Variants in NIPA1 observed in about 807,000 individuals in gnomAD.
NIPA1 encodes the protein magnesium transporter NIPA1.
In NIPA1, 13 loss-of-function variants were observed where a neutral mutation model predicts 23.9. The observed-to-expected ratio is 0.54, with a 90% confidence interval of 0.35 to 0.87. The LOEUF (loss-of-function observed/expected upper bound fraction) is 0.87. Among genes scored for constraint, NIPA1 ranks in the 40% least tolerant of loss-of-function variants. The probability of loss-of-function intolerance (pLI) is 0.01; values close to 1 mark genes in which losing one functional copy is unlikely to be tolerated. For missense variants in NIPA1, 362 were observed against 429.7 expected, an observed-to-expected ratio of 0.84 and a Z score of 1.39; for synonymous variants, 234 against 202.9, an observed-to-expected ratio of 1.15 and a Z score of -1.30.
intron 1 of NIPA1, among the ~76,000 whole-genome samples, chr15:22,788,834 G>A (rs1050818897): frequency 1.3e-4 from 19 of 141,420 alleles, no homozygotes; most frequent in African/African-American, 4.9e-4. Flanking sequence ...CAGGAGAATT[G>A]CTTGAACCCA....
chr15:22,802,287 G>A lies in NIPA1; in HGVS notation c.179-8462G>A, dbSNP rs1233568031. 3.3e-5 allele frequency among the ~76,000 whole-genome samples: 5 copies of A among 150,922 alleles called. No individual in the cohort carries two copies. In the Admixed American group the frequency reaches 3.3e-4, roughly 10 times the overall value. On this transcript the variant is annotated intron_variant, in intron 1 of 4. Transcript: ENST00000337435. ...CATGCCTGTAATCACAGCTACTTGAGAGACTAAGGCAGGAAAAGCACTTGA... is the reference window on the plus strand; with the variant it reads ...CATGCCTGTAATCACAGCTACTTGAAAGACTAAGGCAGGAAAAGCACTTGA...
chr15:22,804,297 A>G (rs11632054), intron 1 of NIPA1, among the ~76,000 whole-genome samples: 43,083 of 151,356 alleles, frequency 0.28, 7,588 homozygotes, highest in Admixed American at 0.42. Flanking sequence ...TAATTTTTGT[A>G]TTTTTAGTAG....
rs1471097318 is a variant in NIPA1, at chr15:22,828,874, G to A, written c.*4635G>A. 3.9e-5 allele frequency: 6 copies of A among 152,496 alleles called. No individual in the cohort carries two copies. Among genetic ancestry groups the A allele is most frequent in the Admixed American group, 1.3e-4 (2 of 15,260 alleles). The allele number at this position is 152,496 out of a possible 1,614,324, so 9.4% of individuals were successfully genotyped here. A position where few individuals can be genotyped will look rare whatever the true frequency, so the allele number is the denominator to read the frequency against. On this transcript the variant is annotated 3_prime_UTR_variant, in exon 5 of 5. Coordinates refer to ENST00000337435, the MANE Select transcript of NIPA1 (RefSeq NM_144599.5). ...TTCTTCAAATTGTTTCTAAAACACC[G>A]GCACTTTCAGCAGTGTTCTGGTGGC...
chr15:22,820,680 T>A (rs1033546504), intron 4 of NIPA1, among the ~76,000 whole-genome samples: 1 of 151,668 alleles, frequency 6.6e-6, no homozygotes, highest in Non-Finnish European at 1.5e-5. Context: ...TCCCGCCTGA[T>A]CCTCAGGCCC....
In NIPA1 at chr15:22,806,016, T is replaced by C. The variant is rs1330884553; in HGVS notation, c.179-4733T>C. Among the ~76,000 whole-genome samples the C allele has an allele frequency of 9.2e-5, 14 of 152,196 alleles. No homozygotes were observed. In the South Asian group the frequency reaches 1.5e-3, roughly 16 times the overall value. ...TCGGCTCACTGCAAGCTCCGCCTTCTGGGTTCACACCATTCTCCTGCCTCA... is the reference window on the plus strand; with the variant it reads ...TCGGCTCACTGCAAGCTCCGCCTTCCGGGTTCACACCATTCTCCTGCCTCA... On this transcript the variant is annotated intron_variant, in intron 1 of 4. Transcript: ENST00000337435.
intron 1 of NIPA1, among the ~76,000 whole-genome samples, chr15:22,810,090 A>G (rs796311884): frequency 1.3e-5 from 2 of 152,074 alleles, no homozygotes; most frequent in Non-Finnish European, 2.9e-5. Context: ...TCTGAAGGAC[A>G]AACCTGTCTC....
rs376585066 is a variant in NIPA1, at chr15:22,788,701, G to C, written c.178+1867G>C. On this transcript the variant is annotated intron_variant, in intron 1 of 4. Transcript: ENST00000337435. ...GGAAAACTGTGTTATTTCAACCCAG[G>C]TCATGTGGCTCAAAGGAATTGGTGA... Among the ~76,000 whole-genome samples the C allele has an allele frequency of 1.2e-3, 188 of 151,772 alleles. No homozygotes were observed. The South Asian group carries it at 0.038, about 30-fold the overall frequency.
chr15:22,799,772 ACT>A (rs1246155601), intron 1 of NIPA1, among the ~76,000 whole-genome samples: 6 of 144,428 alleles, frequency 4.2e-5, no homozygotes, highest in Admixed American at 3.5e-4. Context: ...ACAGAGCAAG[ACT>A]CTGTCTCAAA....
At chr15:22,790,526 C>T (rs968814584) in intron 1 of NIPA1, among the ~76,000 whole-genome samples, 1 of 151,576 alleles carries the variant, frequency 6.6e-6, no homozygotes, top group Admixed American at 6.6e-5. Flanking sequence ...AAGCGATTCT[C>T]CTGCCTCAGC....
intron 1 of NIPA1, among the ~76,000 whole-genome samples, chr15:22,800,628 A>C (rs895235863): frequency 1.3e-5 from 2 of 152,028 alleles, no homozygotes; most frequent in Admixed American, 1.3e-4. Flanking sequence ...CCCCGTCTCT[A>C]CTAAAAATAC....
upstream of NIPA1, chr15:22,786,633 G>A: frequency 1.0e-6 from 1 of 962,158 alleles, no homozygotes; most frequent in Non-Finnish European, 1.3e-6. Flanking sequence ...GCAGGCGCAG[G>A]CTCGGAGGGC....
At chr15:22,805,748 T>G (rs772566968) in intron 1 of NIPA1, among the ~76,000 whole-genome samples, 2 of 152,182 alleles carry the variant, frequency 1.3e-5, no homozygotes, top group Non-Finnish European at 2.9e-5. Flanking sequence ...TACATTAATT[T>G]ACAAAGAACT....
chr15:22,823,135 G>A (rs896946066), intron 4 of NIPA1, among the ~76,000 whole-genome samples: 2 of 127,340 alleles, frequency 1.6e-5, no homozygotes, highest in African/African-American at 5.1e-5. Flanking sequence ...TAGCCAGGAT[G>A]GTATTGATCT....
At chr15:22,786,926 A>C in intron 1 of NIPA1, 92 bp downstream of exon 1, 2 of 54,292 alleles carry the variant, frequency 3.7e-5, no homozygotes, top group Non-Finnish European at 3.5e-5. Flanking sequence ...GGGTCGGGGC[A>C]GGGGACGGGG....
intron 1 of NIPA1, among the ~76,000 whole-genome samples, chr15:22,787,462 G>A (rs1193154969): frequency 2.0e-5 from 3 of 152,344 alleles, no homozygotes; most frequent in African/African-American, 7.2e-5. Context: ...ATGAATACAA[G>A]TGATCTTCAG....
At chr15:22,800,658 G>T (rs1037428708) in intron 1 of NIPA1, among the ~76,000 whole-genome samples, 4 of 152,060 alleles carry the variant, frequency 2.6e-5, no homozygotes, top group East Asian at 1.9e-4. Context: ...ACCGGGCATC[G>T]TGGCTCACGC....
At chr15:22,798,852 A>C (rs998742651) in intron 1 of NIPA1, among the ~76,000 whole-genome samples, 5 of 151,318 alleles carry the variant, frequency 3.3e-5, no homozygotes, top group Non-Finnish European at 5.9e-5. Flanking sequence ...AAAAAAAAAA[A>C]AAAAAAAAAA....
intron 4 of NIPA1, among the ~76,000 whole-genome samples, chr15:22,822,254 A>T (rs754766356): frequency 5.9e-5 from 9 of 152,208 alleles, no homozygotes; most frequent in Non-Finnish European, 1.3e-4. Flanking sequence ...TCATACATAA[A>T]ATAGTTTCTA....
At chr15:22,810,982 T>G in intron 2 of NIPA1, 186 bp downstream of exon 2, 1 of 629,450 alleles carries the variant, frequency 1.6e-6, no homozygotes, top group Non-Finnish European at 2.9e-6. Flanking sequence ...GCACTCTCCC[T>G]GCTCCCCTTC....
Sources: gnomAD v4.1 joint callset for allele counts (sites outside exome capture counted in the v4.1 genomes callset) on GRCh38, gnomAD v4.1.1 for gene constraint, MANE v1.5 for transcripts, NCBI Gene and HGNC (gene_info 2026-07-23, HGNC 2026-07-21) for gene names.